Variants in MAN1C1 observed in about 807,000 individuals in gnomAD.
MAN1C1 encodes the protein mannosidase alpha class 1C member 1, also known as mannosyl-oligosaccharide 1,2-alpha-mannosidase IC.
MAN1C1 carries 49 observed loss-of-function variants against 71.5 expected under a neutral mutation model. That is an observed-to-expected ratio of 0.69 (90% CI 0.54 to 0.87). The LOEUF is 0.87. Among genes scored for constraint, MAN1C1 ranks in the 40% least tolerant of loss-of-function variants. The probability of loss-of-function intolerance (pLI) is 0.00; values close to 1 mark genes in which losing one functional copy is unlikely to be tolerated. For missense variants in MAN1C1, 743 were observed against 835.0 expected, an observed-to-expected ratio of 0.89 and a Z score of 1.36; for synonymous variants, 352 against 343.7, an observed-to-expected ratio of 1.02 and a Z score of -0.27.
In MAN1C1 at chr1:25,753,438, C is replaced by T; in HGVS notation, c.835-46C>T. 1.3e-6 allele frequency: 2 copies of T among 1,496,452 alleles called. No individual in the cohort carries two copies. Among genetic ancestry groups the T allele is most frequent in the South Asian group, 1.2e-5 (1 of 84,596 alleles). The allele number at this position is 1,496,452 out of a possible 1,614,324, so 92.7% of individuals were successfully genotyped here. ...GCAGCAGTTCTGGGGTTGACCTTCC[C>T]TCACCCAGCCTGGAGTCAAAAGCCC... On this transcript the variant is annotated intron_variant, in intron 4 of 11. Coordinates refer to ENST00000374332, the MANE Select transcript of MAN1C1 (RefSeq NM_020379.4). The surrounding 1 kb of genome is among the most constrained non-coding windows in gnomAD (Gnocchi z 4.9).
intron 3 of MAN1C1, among the ~76,000 whole-genome samples, chr1:25,747,293 T>C (rs1410455780): frequency 6.6e-6 from 1 of 152,206 alleles, no homozygotes; most frequent in Non-Finnish European, 1.5e-5. Context: ...CTGGGACCTC[T>C]TGGTCTCCAG....
Position 25,699,287 on chromosome 1 carries a change from C to T in MAN1C1, c.637+12751C>T, listed in dbSNP as rs1332954972. The stretch of plus-strand genomic sequence containing the variant: ...TGCACTCCAGCCTGGGCAACAAGAG[C>T]GAAACTCCATCTTAAATTAAAAAAA... On this transcript the variant is annotated intron_variant, in intron 2 of 11. Transcript: ENST00000374332. Among the ~76,000 whole-genome samples, 7 of 144,394 alleles carry T rather than the reference C, an allele frequency of 4.8e-5. 1 individual carries two copies. In the South Asian group the frequency reaches 6.6e-4, roughly 14 times the overall value. 94.7% of individuals were successfully genotyped at this position (144,394 alleles called of 152,430 possible).
At chr1:25,619,127 G>A (rs2045165160) in intron 1 of MAN1C1, among the ~76,000 whole-genome samples, 1 of 152,196 alleles carries the variant, frequency 6.6e-6, no homozygotes, top group Non-Finnish European at 1.5e-5. Flanking sequence ...AGCCTCACAA[G>A]GCTTGAAGAC....
At chr1:25,744,503 C>T (rs1165647380) in intron 2 of MAN1C1, among the ~76,000 whole-genome samples, 4 of 152,040 alleles carry the variant, frequency 2.6e-5, no homozygotes, top group Non-Finnish European at 4.4e-5. Flanking sequence ...AATAGATTCT[C>T]CGACCTCCAG....
intron 1 of MAN1C1, among the ~76,000 whole-genome samples, chr1:25,649,830 G>T (rs1195910497): frequency 3.3e-5 from 5 of 152,108 alleles, no homozygotes; most frequent in Admixed American, 2.6e-4. Context: ...TAGAGACAGG[G>T]TTTCACCATG....
intron 1 of MAN1C1, among the ~76,000 whole-genome samples, chr1:25,659,339 A>G (rs1328147563): frequency 6.6e-6 from 1 of 152,162 alleles, no homozygotes; most frequent in African/African-American, 2.4e-5. Flanking sequence ...TCTCACCTGG[A>G]TGACCTCCAG....
At chr1:25,626,224 C>T (rs2045291216) in intron 1 of MAN1C1, among the ~76,000 whole-genome samples, 1 of 152,212 alleles carries the variant, frequency 6.6e-6, no homozygotes, top group Admixed American at 6.5e-5. Flanking sequence ...GAGAGTTCCG[C>T]ATCCTTGCCA....
chr1:25,727,436 G>T (rs1013080715), intron 2 of MAN1C1, among the ~76,000 whole-genome samples: 1 of 152,240 alleles, frequency 6.6e-6, no homozygotes, highest in Admixed American at 6.5e-5. Context: ...AGGTGGAGGA[G>T]GTTGGTGTCT....
At chr1:25,629,401 T>C (rs544166522) in intron 1 of MAN1C1, among the ~76,000 whole-genome samples, 1 of 152,334 alleles carries the variant, frequency 6.6e-6, no homozygotes, top group African/African-American at 2.4e-5. Context: ...GTGTATCTTT[T>C]TTGAGAAATG....
At chr1:25,696,504 T>C (rs191171178) in intron 2 of MAN1C1, among the ~76,000 whole-genome samples, 2 of 152,304 alleles carry the variant, frequency 1.3e-5, no homozygotes, top group Admixed American at 1.3e-4. Flanking sequence ...CACAGTCTAA[T>C]GGATTTTACA....
chr1:25,694,002 A>G (rs554085951), intron 2 of MAN1C1, among the ~76,000 whole-genome samples: 2 of 152,384 alleles, frequency 1.3e-5, no homozygotes, highest in South Asian at 4.1e-4. Flanking sequence ...GTAAAAAGTA[A>G]TAATGAGAAT....
chr1:25,652,889 GGGACTGCA>G (rs2045713769), intron 1 of MAN1C1, among the ~76,000 whole-genome samples: 1 of 151,102 alleles, frequency 6.6e-6, no homozygotes, highest in Admixed American at 6.6e-5. Context: ...CAAAGTAGCT[GGGACTGCA>G]GGCATGCACC....
chr1:25,709,220 C>T (rs770706366), intron 2 of MAN1C1, among the ~76,000 whole-genome samples: 6 of 152,134 alleles, frequency 3.9e-5, no homozygotes, highest in Non-Finnish European at 7.4e-5. Flanking sequence ...GTGGCATTTA[C>T]TGCTCAAGGA....
chr1:25,767,593 CCACACTA>C, intron 7 of MAN1C1, among the ~76,000 whole-genome samples: 1 of 131,480 alleles, frequency 7.6e-6, no homozygotes, highest in East Asian at 2.5e-4. Context: ...GACCCACATA[CCACACTA>C]CCCTCACATA....
chr1:25,697,448 C>T (rs1259947545), intron 2 of MAN1C1, among the ~76,000 whole-genome samples: 2 of 152,254 alleles, frequency 1.3e-5, no homozygotes, highest in Non-Finnish European at 2.9e-5. Context: ...GTCCATTCAG[C>T]AGCTGATAGA....
At chr1:25,698,690 G>A (rs989501830) in intron 2 of MAN1C1, among the ~76,000 whole-genome samples, 1 of 152,176 alleles carries the variant, frequency 6.6e-6, no homozygotes, top group Non-Finnish European at 1.5e-5. Context: ...AGTGGTTCAT[G>A]CCTGTAATCC....
At position 25,753,804 on chromosome 1, in the gene MAN1C1, G is replaced by A. The variant is rs933003974; in HGVS notation, c.929+226G>A. ...GGGAGCCACAGTGAGTCGGTGGCAC[G>A]GTGAAAGTGCCAGCGACTTCCCTGG... On this transcript the variant is annotated intron_variant, in intron 5 of 11. Transcript: ENST00000374332. This position sits in a 1 kb window ranked among gnomAD's most constrained non-coding sequence, Gnocchi z 4.9. Among the ~76,000 whole-genome samples, 11 of 152,134 alleles carry A rather than the reference G, an allele frequency of 7.2e-5. No homozygotes were observed. Among genetic ancestry groups the A allele is most frequent in the Admixed American group, 2.6e-4 (4 of 15,284 alleles).
In MAN1C1 at chr1:25,778,217, G is replaced by C. The variant is rs765969015; in HGVS notation, c.1370G>C (p.Gly457Ala). 2 of 1,614,020 alleles carry C rather than the reference G, an allele frequency of 1.2e-6. No individual in the cohort carries two copies. The highest frequency in any genetic ancestry group is 1.7e-6 in the Non-Finnish European group (2 of 1,179,950). Residue 457 changes from glycine to alanine, a missense_variant, in exon 9 of 12, where the codon GGC becomes GCC. By Grantham distance (60) the Gly-to-Ala change is moderately conservative. Coordinates refer to ENST00000374332, the MANE Select transcript of MAN1C1 (RefSeq NM_020379.4). This position sits in a 1 kb window ranked among gnomAD's most constrained non-coding sequence, Gnocchi z 5.5. ...KMGHLACFSG[G>A]MIALGAEDAK... ...GGGCACCTGGCCTGTTTCTCCGGGGGCATGATCGCCCTTGGCGCCGAGGAT... is the reference window on the plus strand; with the variant it reads ...GGGCACCTGGCCTGTTTCTCCGGGGCCATGATCGCCCTTGGCGCCGAGGAT...
rs2046973561 is a variant in MAN1C1, at chr1:25,735,655, T to G, written c.638-11013T>G. On this transcript the variant is annotated intron_variant, in intron 2 of 11. Transcript: ENST00000374332. The surrounding 1 kb of genome is among the most constrained non-coding windows in gnomAD (Gnocchi z 4.6). ...CCACAGTGAGAGGCAGACCACAGTG[T>G]TGTTTGTGACTGCAGATAGGCTGGA... Among the ~76,000 whole-genome samples, 1 of 152,196 alleles carries G rather than the reference T, an allele frequency of 6.6e-6. No homozygotes were observed. Among genetic ancestry groups the G allele is most frequent in the African/African-American group, 2.4e-5 (1 of 41,434 alleles).
Sources: gnomAD v4.1 joint callset for allele counts (sites outside exome capture counted in the v4.1 genomes callset) on GRCh38, gnomAD v4.1.1 for gene constraint, Gnocchi (gnomAD v3.1) non-coding constraint, MANE v1.5 for transcripts, NCBI Gene and HGNC (gene_info 2026-07-23, HGNC 2026-07-21) for gene names.